MAPK6: variants seen among roughly 807,000 people sequenced by gnomAD.
MAPK6 encodes mitogen-activated protein kinase 6.
Under a neutral mutation model 59.3 loss-of-function variants are expected in MAPK6, and 19 were observed. The observed-to-expected ratio is 0.32, with a 90% CI of 0.22 to 0.47. The LOEUF is 0.47. MAPK6 is among the 20% of genes least tolerant of loss of function. MAPK6 has a pLI of 1.00. For synonymous variants in MAPK6, 316 were observed against 290.3 expected (o/e 1.09, Z -0.90); for missense variants, 724 against 847.9 (o/e 0.85, Z 1.81).
At chr15:52,061,593 T>A in intron 5 of MAPK6, 93 bp downstream of exon 5, 1 of 952,176 alleles carries the variant, frequency 1.1e-6, no homozygotes, top group Non-Finnish European at 1.6e-6. Context: ...TAAGACATTG[T>A]AGAAGTCTTA....
At chr15:51,976,676 G>A (rs1012143875) in intron 1 of MAPK6, among the ~76,000 whole-genome samples, 1 of 151,818 alleles carries the variant, frequency 6.6e-6, no homozygotes, top group Non-Finnish European at 1.5e-5. Context: ...CGGGTGTGGT[G>A]GCTCACACCT....
upstream of MAPK6, among the ~76,000 whole-genome samples, chr15:52,016,107 C>CACACACACACACACACACACACAA (rs1267339787): frequency 1.5e-5 from 2 of 136,326 alleles, no homozygotes; most frequent in Admixed American, 7.4e-5. Flanking sequence ...CACACACACA[C>CACACACACACACACACACACACAA]AAACTAAAAC....
chr15:52,054,918 G>A (rs555548932), intron 3 of MAPK6, among the ~76,000 whole-genome samples: 9 of 152,210 alleles, frequency 5.9e-5, no homozygotes, highest in African/African-American at 1.7e-4. Flanking sequence ...CTCTCAAGTA[G>A]CTGGGATTAC....
At position 52,010,413 on chromosome 15, in the gene MAPK6, C is replaced by T. The variant is rs566921106; in HGVS notation, c.-632+6011C>T. ...TATTTTTAGTAGAGACAGGGTTTCT[C>T]CATGTTGGTCAGGCTGGTCTTGAAC... On this transcript the variant is annotated intron_variant, in intron 3 of 7. Coordinates refer to the MAPK6 transcript ENST00000691380. Among the ~76,000 whole-genome samples the T allele has an allele frequency of 1.3e-4, 20 of 151,790 alleles. No individual in the cohort carries two copies. The South Asian group carries it at 2.3e-3, about 17-fold the overall frequency.
At chr15:51,999,504 G>GT (rs1005336770) in intron 2 of MAPK6, among the ~76,000 whole-genome samples, 14 of 151,954 alleles carry the variant, frequency 9.2e-5, no homozygotes, top group Non-Finnish European at 1.6e-4. Flanking sequence ...TGAGTGAAGA[G>GT]TTTTTTATAT....
intron 2 of MAPK6, among the ~76,000 whole-genome samples, chr15:52,049,219 T>C (rs959737631): frequency 6.6e-6 from 1 of 152,208 alleles, no homozygotes; most frequent in African/African-American, 2.4e-5. Context: ...CATTGGTTTA[T>C]AAGTAGCACC....
intron 1 of MAPK6, chr15:52,021,411 G>A (rs950735764): frequency 2.0e-5 from 3 of 148,928 alleles, no homozygotes. Flanking sequence ...TAAATGATAG[G>A]CTAAAATGTT....
chr15:52,016,068 G>GCACACACACACA (rs1183676940), upstream of MAPK6, among the ~76,000 whole-genome samples: 9 of 35,676 alleles, frequency 2.5e-4, no homozygotes, highest in Non-Finnish European at 5.1e-4. Flanking sequence ...GCGCGCGCGC[G>GCACACACACACA]CGCACACACA....
At chr15:51,975,833 C>G (rs547037554) in intron 1 of MAPK6, among the ~76,000 whole-genome samples, 1 of 151,988 alleles carries the variant, frequency 6.6e-6, no homozygotes, top group East Asian at 1.9e-4. Flanking sequence ...TAAGTAAATA[C>G]TCAGCTGATT....
chr15:52,025,644 T>C (rs953747286), intron 1 of MAPK6, among the ~76,000 whole-genome samples: 7 of 151,864 alleles, frequency 4.6e-5, no homozygotes, highest in African/African-American at 1.5e-4. Flanking sequence ...CTACTAAAAA[T>C]ACAAAAAATT....
intron 1 of MAPK6, among the ~76,000 whole-genome samples, chr15:52,020,957 G>A: frequency 6.6e-6 from 1 of 152,100 alleles, no homozygotes; most frequent in East Asian, 1.9e-4. Flanking sequence ...GATCACCTAG[G>A]TATTACTGTT....
At chr15:52,000,044 C>T (rs574953127) in intron 2 of MAPK6, among the ~76,000 whole-genome samples, 13 of 152,258 alleles carry the variant, frequency 8.5e-5, no homozygotes, top group Non-Finnish European at 1.6e-4. Context: ...CTCAAGTGAT[C>T]CTCCTGCTTT....
chr15:51,980,434 G>A (rs914005150), intron 1 of MAPK6, among the ~76,000 whole-genome samples: 3 of 149,670 alleles, frequency 2.0e-5, no homozygotes, highest in East Asian at 1.9e-4. Flanking sequence ...TTTAGAATAA[G>A]CAGGAAAAAA....
chr15:52,066,888 A>T lies in MAPK6; in HGVS notation c.*1888A>T, dbSNP rs900242883. The T allele has an allele frequency of 6.6e-6, 1 of 152,056 alleles. No individual in the cohort carries two copies. Among genetic ancestry groups the T allele is most frequent in the Non-Finnish European group, 1.5e-5 (1 of 68,014 alleles). The allele number at this position is 152,056 out of a possible 1,614,324, so 9.4% of individuals were successfully genotyped here. On this transcript the variant is annotated 3_prime_UTR_variant, in exon 6 of 6. Transcript: ENST00000261845. ...CTTAAGAGGACAAGCTCTGAAGTGCAGTCATGAGAATTGATTTGTGGGGAA... is the reference window on the plus strand; with the variant it reads ...CTTAAGAGGACAAGCTCTGAAGTGCTGTCATGAGAATTGATTTGTGGGGAA...
rs1383932304 is a variant in MAPK6, at chr15:52,065,713, A to AACTT, written c.*715_*718dup. 2.7e-5 allele frequency: 4 copies of AACTT among 148,294 alleles called. No individual in the cohort carries two copies. The highest frequency in any genetic ancestry group is 1.0e-4 in the African/African-American group (4 of 39,866). The allele number at this position is 148,294 out of a possible 1,614,324, so 9.2% of individuals were successfully genotyped here. On this transcript the variant is annotated 3_prime_UTR_variant, in exon 6 of 6. Transcript: ENST00000261845. ...TTTCTGTATTTAATTATAAAAAATTAACTTAGTTTTTAAAATTTATTTGCA... is the reference window on the plus strand; with the variant it reads ...TTTCTGTATTTAATTATAAAAAATTAACTTACTTAGTTTTTAAAATTTATTTGCA...
At chr15:52,053,097 G>C (rs981820534) in intron 3 of MAPK6, among the ~76,000 whole-genome samples, 2 of 131,454 alleles carry the variant, frequency 1.5e-5, no homozygotes, top group Admixed American at 8.3e-5. Context: ...TTTTGAGACA[G>C]AGTCTTGCTT....
At chr15:51,972,453 C>T (rs988973643) in intron 1 of MAPK6, among the ~76,000 whole-genome samples, 6 of 123,074 alleles carry the variant, frequency 4.9e-5, no homozygotes, top group African/African-American at 1.5e-4. Flanking sequence ...CTTACTAATA[C>T]GGTAATAAAT....
intron 1 of MAPK6, among the ~76,000 whole-genome samples, chr15:51,977,324 C>T (rs753902589): frequency 1.1e-4 from 17 of 151,692 alleles, no homozygotes; most frequent in Non-Finnish European, 2.2e-4. Flanking sequence ...GAATTCTGTA[C>T]TCACCAAACT....
chr15:51,979,169 AAAGGAAGG>A (rs1006720175), intron 1 of MAPK6, among the ~76,000 whole-genome samples: 2 of 149,104 alleles, frequency 1.3e-5, no homozygotes, highest in Non-Finnish European at 3.0e-5. Flanking sequence ...AGAAGGAAGG[AAAGGAAGG>A]AAGGAAGGAG....
Sources: allele counts gnomAD v4.1 joint callset (sites outside exome capture counted in the v4.1 genomes callset), GRCh38; gene constraint gnomAD v4.1.1; transcripts MANE v1.5; gene names NCBI Gene and HGNC (gene_info 2026-07-23, HGNC 2026-07-21).